Variants in YY1 observed in about 807,000 individuals in gnomAD.
YY1 encodes transcriptional repressor protein YY1.
In YY1, 2 loss-of-function variants were observed where a neutral mutation model predicts 35.6. That is an observed-to-expected ratio of 0.06 (90% CI 0.02 to 0.18). The LOEUF is 0.18. Among genes scored for constraint, YY1 ranks in the 10% least tolerant of loss-of-function variants. The pLI is 1.00. For missense variants in YY1, 322 were observed against 573.4 expected (o/e 0.56, Z 4.48); for synonymous variants, 268 against 238.9 (o/e 1.12, Z -1.12).
At chr14:100,248,878 C>T (rs566979477) in intron 1 of YY1, among the ~76,000 whole-genome samples, 14 of 150,158 alleles carry the variant, frequency 9.3e-5, no homozygotes, top group South Asian at 4.2e-4. Flanking sequence ...TTGGTAGAGA[C>T]GGGTTTCACC....
At chr14:100,254,776 T>TTTA (rs917899158) in intron 1 of YY1, among the ~76,000 whole-genome samples, 4 of 135,152 alleles carry the variant, frequency 3.0e-5, no homozygotes, top group African/African-American at 1.2e-4. Context: ...TATTTATTTA[T>TTTA]TTTTTTTTTT....
chr14:100,270,027 C>A (rs1285377018), intron 2 of YY1, among the ~76,000 whole-genome samples: 1 of 151,938 alleles, frequency 6.6e-6, no homozygotes, highest in Non-Finnish European at 1.5e-5. Context: ...CTTTGCGAGG[C>A]TGAGGCAGGT....
Position 100,277,068 on chromosome 14 carries a change from A to C in YY1, c.1063-350A>C. 2.3e-6 allele frequency: 1 copy of C among 439,256 alleles called. No individual in the cohort carries two copies. Among genetic ancestry groups the C allele is most frequent in the Non-Finnish European group, 4.2e-6 (1 of 239,922 alleles). 27.2% of individuals were successfully genotyped at this position (439,256 alleles called of 1,614,324 possible). A position where few individuals can be genotyped will look rare whatever the true frequency, so the allele number is the denominator to read the frequency against. ...AAATAAGTGAAAGAACTAGCAGTGC[A>C]GCTAGTAAATCTAACGTGGTTCTTT... On this transcript the variant is annotated intron_variant, in intron 4 of 4. Coordinates refer to ENST00000262238, the MANE Select transcript of YY1 (RefSeq NM_003403.5). The surrounding 1 kb of genome is among the most constrained non-coding windows in gnomAD (Gnocchi z 5.6).
intron 1 of YY1, among the ~76,000 whole-genome samples, chr14:100,248,739 G>A (rs1490101777): frequency 6.8e-6 from 1 of 147,106 alleles, no homozygotes; most frequent in Non-Finnish European, 1.5e-5. Context: ...CCAGGCTGGA[G>A]TGCACTGGCG....
rs1224710941 is a variant in YY1, at chr14:100,239,436, C to T, written c.192C>T (p.Gly64=). ...GGGGDHGGGG[G]HGHAGHHHHH... is the part of the protein sequence containing the mutation. ...GTGGCGACCACGGCGGCGGGGGCGG[C>T]CACGGGCACGCCGGCCACCACCACC... The change falls in exon 1 of 5, where the codon GGC becomes GGT. Residue 64 remains glycine (G), a synonymous_variant. Transcript: ENST00000262238. 2.5e-6 allele frequency: 4 copies of T among 1,593,874 alleles called. No homozygotes were observed. The highest frequency in any genetic ancestry group is 2.6e-6 in the Non-Finnish European group (3 of 1,172,316).
At chr14:100,245,916 T>A (rs954241891) in intron 1 of YY1, among the ~76,000 whole-genome samples, 4 of 152,320 alleles carry the variant, frequency 2.6e-5, no homozygotes, top group Non-Finnish European at 5.9e-5. Context: ...CAGGAGTAAC[T>A]GTTTTATAAC....
intron 2 of YY1, among the ~76,000 whole-genome samples, chr14:100,262,932 A>G (rs1891104803): frequency 6.7e-6 from 1 of 150,334 alleles, no homozygotes; most frequent in Non-Finnish European, 1.5e-5. Context: ...TTTTGAGACA[A>G]GAGTCTTGCT....
chr14:100,263,053 G>A lies in YY1; in HGVS notation c.842+587G>A, dbSNP rs554592779. ...CTCCCAAGTAGCTGGGATTACATGC[G>A]TGTGCCACCACGCCCAGCCAATTTT... On this transcript the variant is annotated intron_variant, in intron 2 of 4. Coordinates refer to ENST00000262238, the MANE Select transcript of YY1 (RefSeq NM_003403.5). Among the ~76,000 whole-genome samples, 3 of 152,262 alleles carry A rather than the reference G, an allele frequency of 2.0e-5. No individual in the cohort carries two copies. The East Asian group carries it at 5.8e-4, about 29-fold the overall frequency.
chr14:100,255,817 C>T (rs1385960614), intron 1 of YY1, among the ~76,000 whole-genome samples: 1 of 152,198 alleles, frequency 6.6e-6, no homozygotes, highest in African/African-American at 2.4e-5. Context: ...TTAGACAGAG[C>T]TAGTTGTCTC....
At chr14:100,268,592 A>G (rs888817907) in intron 2 of YY1, among the ~76,000 whole-genome samples, 2 of 152,346 alleles carry the variant, frequency 1.3e-5, no homozygotes, top group South Asian at 2.1e-4. Flanking sequence ...CACAATATTA[A>G]TGTATAGATG....
rs1193259718 is a variant in YY1 at position 100,277,374 on chromosome 14, G to A, written c.1063-44G>A. 11 of 1,612,338 alleles carry A rather than the reference G, an allele frequency of 6.8e-6. No individual in the cohort carries two copies. In the Admixed American group the frequency reaches 1.3e-4, roughly 20 times the overall value. ...GTGAGCTCCTGACTCCCAGGGTCTGGTCAGAGTTGCTGAGTGGGTTGATCT... is the reference window on the plus strand; with the variant it reads ...GTGAGCTCCTGACTCCCAGGGTCTGATCAGAGTTGCTGAGTGGGTTGATCT... On this transcript the variant is annotated intron_variant, in intron 4 of 4. Coordinates refer to ENST00000262238, the MANE Select transcript of YY1 (RefSeq NM_003403.5). The surrounding 1 kb of genome is among the most constrained non-coding windows in gnomAD (Gnocchi z 5.6).
chr14:100,258,233 G>A (rs1223875239), intron 1 of YY1, among the ~76,000 whole-genome samples: 1 of 152,164 alleles, frequency 6.6e-6, no homozygotes, highest in African/African-American at 2.4e-5. Flanking sequence ...AGAAGTAGAT[G>A]TGCCAGGCTA....
intron 1 of YY1, among the ~76,000 whole-genome samples, chr14:100,244,607 G>A: frequency 6.8e-6 from 1 of 146,148 alleles, no homozygotes; most frequent in Non-Finnish European, 1.5e-5. Context: ...TTTTGAGGCA[G>A]GGTCTCATTC....
chr14:100,250,359 T>G (rs1890905790), intron 1 of YY1, among the ~76,000 whole-genome samples: 1 of 152,188 alleles, frequency 6.6e-6, no homozygotes, highest in Non-Finnish European at 1.5e-5. Context: ...CAGCGGTGAC[T>G]CTTTTTTGTC....
intron 1 of YY1, among the ~76,000 whole-genome samples, chr14:100,248,580 A>G (rs1890871786): frequency 6.6e-6 from 1 of 151,666 alleles, no homozygotes; most frequent in South Asian, 2.1e-4. Context: ...ATTGTGCGCT[A>G]CAGCCTTGAA....
chr14:100,241,985 G>A (rs867555720), intron 1 of YY1, among the ~76,000 whole-genome samples: 1 of 149,694 alleles, frequency 6.7e-6, no homozygotes, highest in Non-Finnish European at 1.5e-5. Flanking sequence ...AAAAGGGGGG[G>A]GGGGGCATTT....
At chr14:100,257,122 CTACCTGTGGATA>C (rs763697206) in intron 1 of YY1, among the ~76,000 whole-genome samples, 1 of 152,116 alleles carries the variant, frequency 6.6e-6, no homozygotes, top group Non-Finnish European at 1.5e-5. Context: ...AGTTGTCTCC[CTACCTGTGGATA>C]TACCTCTTCA....
intron 1 of YY1, among the ~76,000 whole-genome samples, chr14:100,259,024 G>C (rs1022166582): frequency 3.9e-5 from 6 of 152,178 alleles, no homozygotes; most frequent in African/African-American, 1.4e-4. Context: ...TGTTGGTCTT[G>C]ATTTTTAACA....
At chr14:100,251,093 A>G (rs1165418793) in intron 1 of YY1, among the ~76,000 whole-genome samples, 5 of 152,202 alleles carry the variant, frequency 3.3e-5, no homozygotes, top group Admixed American at 2.0e-4. Context: ...ATGACTCCCA[A>G]TATAGCCAGA....
Sources: gnomAD v4.1 joint callset for allele counts (sites outside exome capture counted in the v4.1 genomes callset) on GRCh38, gnomAD v4.1.1 for gene constraint, Gnocchi (gnomAD v3.1) non-coding constraint, MANE v1.5 for transcripts, NCBI Gene and HGNC (gene_info 2026-07-23, HGNC 2026-07-21) for gene names.